The following TNFSF12 variants were observed in gnomAD, a reference collection of about 807,000 sequenced individuals.
TNFSF12 encodes TNF superfamily member 12.
A neutral mutation model predicts 31.2 loss-of-function variants in TNFSF12; 16 were observed. The ratio of observed to expected loss-of-function variants is 0.51; its 90% CI spans 0.35 to 0.78. The LOEUF is 0.78. TNFSF12 is among the 30% of genes least tolerant of loss of function. TNFSF12 has a pLI of 0.01. For missense variants in TNFSF12, 324 were observed against 338.8 expected (o/e 0.96, Z 0.34); for synonymous variants, 150 against 151.4 (o/e 0.99, Z 0.07).
At position 7,550,844 on chromosome 17, in the gene TNFSF12, A is replaced by T; in HGVS notation, c.329A>T (p.His110Leu). Residue 110 changes from histidine to leucine, a missense_variant, in exon 4 of 7, where the codon CAT becomes CTT. His to Leu is a moderately conservative substitution (Grantham distance 99). Coordinates refer to ENST00000293825, the MANE Select transcript of TNFSF12 (RefSeq NM_003809.3). The surrounding 1 kb of genome is among the most constrained non-coding windows in gnomAD (Gnocchi z 4.4). ...CGGGCTCGAAGAGCGATCGCAGCCC[A>T]TTATGAAGGTGGGTGATGGGTGAGC... ...KTRARRAIAA[H>L]YEVHPRPGQD... 1 of 1,612,838 alleles carries T rather than the reference A, an allele frequency of 6.2e-7. No homozygotes were observed. Among genetic ancestry groups the T allele is most frequent in the Non-Finnish European group, 8.5e-7 (1 of 1,178,950 alleles).
Position 7,549,575 on chromosome 17 carries a change from A to G in TNFSF12, c.207+54A>G. On this transcript the variant is annotated intron_variant, in intron 2 of 6. Coordinates refer to ENST00000293825, the MANE Select transcript of TNFSF12 (RefSeq NM_003809.3). The surrounding 1 kb of genome is among the most constrained non-coding windows in gnomAD (Gnocchi z 4.1). ...CTGCTGGGGCATGGGAAGTGTGCAC[A>G]GCCGAGGCTGCAGGTGTGTGCAGCT... The G allele has an allele frequency of 6.7e-7, 1 of 1,489,000 alleles. No homozygotes were observed. Among genetic ancestry groups the G allele is most frequent in the South Asian group, 1.3e-5 (1 of 77,436 alleles). The allele number at this position is 1,489,000 out of a possible 1,614,324, so 92.2% of individuals were successfully genotyped here. A position where few individuals can be genotyped will look rare whatever the true frequency, so the allele number is the denominator to read the frequency against.
rs942560892 is a variant in TNFSF12 at position 7,549,186 on chromosome 17, G to A, written c.33G>A (p.Gly11=). MAARRSQRRR[G]RRGEPGTALL... is the part of the protein sequence containing the mutation. ...CCCGTCGGAGCCAGAGGCGGAGGGG[G>A]CGCCGGGGGGAGCCGGGCACCGCCC... Residue 11 remains glycine, a synonymous_variant, in exon 1 of 7, where the codon GGG becomes GGA. Coordinates refer to ENST00000293825, the MANE Select transcript of TNFSF12 (RefSeq NM_003809.3). The surrounding 1 kb of genome is among the most constrained non-coding windows in gnomAD (Gnocchi z 4.1). The A allele has an allele frequency of 6.9e-6, 9 of 1,303,768 alleles. No individual in the cohort carries two copies. The highest frequency in any genetic ancestry group is 8.7e-6 in the Non-Finnish European group (9 of 1,029,926). The allele number at this position is 1,303,768 out of a possible 1,614,324, so 80.8% of individuals were successfully genotyped here.
intron 5 of TNFSF12, 23 bp downstream of exon 5, chr17:7,551,001 A>T: frequency 1.2e-6 from 2 of 1,613,176 alleles, no homozygotes; most frequent in Non-Finnish European, 1.7e-6. Flanking sequence ...CCCCCGACAC[A>T]GCACTGGCCT....
In TNFSF12 at chr17:7,549,073, T is replaced by C; in HGVS notation, c.-81T>C. ...TTGCCCCTCCCTCTCCCCGGCCCGA[T>C]CCGCCCGCCGGCTCCCCCTCCCCCG... On this transcript the variant is annotated 5_prime_UTR_variant, in exon 1 of 7. Coordinates refer to ENST00000293825, the MANE Select transcript of TNFSF12 (RefSeq NM_003809.3). This position sits in a 1 kb window ranked among gnomAD's most constrained non-coding sequence, Gnocchi z 4.1. The C allele has an allele frequency of 1.7e-6, 2 of 1,157,512 alleles. No homozygotes were observed. The highest frequency in any genetic ancestry group is 4.1e-5 in the South Asian group (1 of 24,414). 71.7% of individuals were successfully genotyped at this position (1,157,512 alleles called of 1,614,324 possible). A position where few individuals can be genotyped will look rare whatever the true frequency, so the allele number is the denominator to read the frequency against.
In TNFSF12 at chr17:7,549,674, T is replaced by C; in HGVS notation, c.207+153T>C. 1.6e-6 allele frequency: 2 copies of C among 1,235,360 alleles called. No individual in the cohort carries two copies. Among genetic ancestry groups the C allele is most frequent in the Non-Finnish European group, 2.2e-6 (2 of 926,086 alleles). The allele number at this position is 1,235,360 out of a possible 1,614,324, so 76.5% of individuals were successfully genotyped here. ...GTGCATGGGTGCGTGTCTGCAGGGG[T>C]GTGTGTGCGTGGTGACAACTCTGTG... On this transcript the variant is annotated intron_variant, in intron 2 of 6. Transcript: ENST00000293825. This position sits in a 1 kb window ranked among gnomAD's most constrained non-coding sequence, Gnocchi z 4.1.
In TNFSF12 at chr17:7,550,029, A is replaced by G. The variant is rs2070982385; in HGVS notation, c.208-91A>G. On this transcript the variant is annotated intron_variant, in intron 2 of 6. Transcript: ENST00000293825. The surrounding 1 kb of genome is among the most constrained non-coding windows in gnomAD (Gnocchi z 4.4). ...TAATCTGTCCCTGACTTCTGTGTCT[A>G]TTGCTGGCTGGTGGCTCTCCTGACA... 2 of 1,599,192 alleles carry G rather than the reference A, an allele frequency of 1.3e-6. No individual in the cohort carries two copies. Among genetic ancestry groups the G allele is most frequent in the Non-Finnish European group, 1.7e-6 (2 of 1,167,912 alleles).
rs1192008237 is a variant in TNFSF12 at position 7,557,440 on chromosome 17, C to T, written c.*90C>T. 8.8e-6 allele frequency: 13 copies of T among 1,485,426 alleles called. No individual in the cohort carries two copies. The East Asian group carries it at 1.2e-4, about 13-fold the overall frequency. 92.0% of individuals were successfully genotyped at this position (1,485,426 alleles called of 1,614,324 possible). A position where few individuals can be genotyped will look rare whatever the true frequency, so the allele number is the denominator to read the frequency against. Reference sequence around the variant, plus strand: ...CGGTCCCCTCTGCCCCACCCTCAGCCGCTCTTTGCTCCAGACCTGCCCCTC... The same window carrying T: ...CGGTCCCCTCTGCCCCACCCTCAGCTGCTCTTTGCTCCAGACCTGCCCCTC... On this transcript the variant is annotated 3_prime_UTR_variant, in exon 7 of 7. Transcript: ENST00000293825. This position sits in a 1 kb window ranked among gnomAD's most constrained non-coding sequence, Gnocchi z 5.2.
At position 7,553,512 on chromosome 17, in the gene TNFSF12, G is replaced by A. The variant is rs186925381; in HGVS notation, c.373+2534G>A. 805 of 604,362 alleles carry A rather than the reference G, an allele frequency of 1.3e-3. 3 individuals are homozygous for A. The highest frequency in any genetic ancestry group is 2.6e-3 in the Admixed American group (110 of 42,574). 37.4% of individuals were successfully genotyped at this position (604,362 alleles called of 1,614,324 possible). On this transcript the variant is annotated intron_variant, in intron 5 of 6. Transcript: ENST00000293825. ...TTTCTTGAGATAGGCACTGTGTCTG[G>A]CACTTGTGTTTGGTCTTATCTAATC...
At position 7,549,488 on chromosome 17, in the gene TNFSF12, G is replaced by T. The variant is rs749918168; in HGVS notation, c.174G>T (p.Glu58Asp). The change falls in exon 2 of 7, where the codon GAG (glutamate) becomes GAT (aspartate). Residue 58 changes from glutamate (E) to aspartate (D), a missense_variant. Physicochemically the swap from Glu to Asp is conservative, Grantham distance 45. Transcript: ENST00000293825. The surrounding 1 kb of genome is among the most constrained non-coding windows in gnomAD (Gnocchi z 4.1). ...CTTCCCAGCAGGAGCCTGCCCAGGA[G>T]GAGCTGGTGGCAGAGGAGGACCAGG... Reference protein sequence around the residue: ...ASLSAQEPAQEELVAEEDQDP... With the variant: ...ASLSAQEPAQDELVAEEDQDP... The T allele has an allele frequency of 4.5e-6, 7 of 1,545,834 alleles. No individual in the cohort carries two copies. The highest frequency in any genetic ancestry group is 6.1e-6 in the Non-Finnish European group (7 of 1,141,178).
intron 5 of TNFSF12, among the ~76,000 whole-genome samples, chr17:7,554,974 A>G (rs1398620217): frequency 2.6e-5 from 4 of 151,918 alleles, no homozygotes; most frequent in Non-Finnish European, 5.9e-5. Flanking sequence ...ATAAATTTGT[A>G]ATTACAGGAA....
At position 7,557,306 on chromosome 17, in the gene TNFSF12, G is replaced by C. The variant is rs376444597; in HGVS notation, c.706G>C (p.Ala236Pro). The C allele has an allele frequency of 2.5e-6, 4 of 1,612,384 alleles. No homozygotes were observed. The African/African-American group carries it at 5.3e-5, about 22-fold the overall frequency. The part of the protein sequence containing the change: ...IRTLPWAHLK[A>P]APFLTYFGLF... ...CACCCTCCCCTGGGCCCATCTCAAG[G>C]CTGCCCCCTTCCTCACCTACTTCGG... Residue 236 changes from alanine to proline, a missense_variant, in exon 7 of 7, where the codon GCT becomes CCT. Ala to Pro is a conservative substitution (Grantham distance 27, BLOSUM62 -1). Transcript: ENST00000293825. The surrounding 1 kb of genome is among the most constrained non-coding windows in gnomAD (Gnocchi z 5.2).
intron 5 of TNFSF12, among the ~76,000 whole-genome samples, chr17:7,552,962 A>T (rs186455630): frequency 6.8e-6 from 1 of 147,716 alleles, no homozygotes; most frequent in Non-Finnish European, 1.5e-5. Context: ...TTAGAACAGG[A>T]AGGCAGTGTG....
chr17:7,553,235 G>A (rs765630282), intron 5 of TNFSF12, among the ~76,000 whole-genome samples: 1 of 151,840 alleles, frequency 6.6e-6, no homozygotes, highest in Non-Finnish European at 1.5e-5. Context: ...TTTTAGTAGA[G>A]ACAGGGTTTC....
In TNFSF12 at chr17:7,549,294, G is replaced by T. The variant is rs1167726401; in HGVS notation, c.141G>T (p.Arg47=). ...TGGCCGTGGTCAGTTTGGGGAGCCGGGCATCGCTGTCCGCCCAGGTGAGGC... is the reference window on the plus strand; with the variant it reads ...TGGCCGTGGTCAGTTTGGGGAGCCGTGCATCGCTGTCCGCCCAGGTGAGGC... ...LLLAVVSLGS[R]ASLSAQEPAQ... is the part of the protein sequence containing the mutation. The change falls in exon 1 of 7, where the codon CGG becomes CGT. Residue 47 remains arginine (R), a synonymous_variant. Coordinates refer to ENST00000293825, the MANE Select transcript of TNFSF12 (RefSeq NM_003809.3). This position sits in a 1 kb window ranked among gnomAD's most constrained non-coding sequence, Gnocchi z 4.1. 2.2e-5 allele frequency: 31 copies of T among 1,395,958 alleles called. No individual in the cohort carries two copies. The highest frequency in any genetic ancestry group is 2.8e-5 in the Non-Finnish European group (30 of 1,076,224). 86.5% of individuals were successfully genotyped at this position (1,395,958 alleles called of 1,614,324 possible). A position where few individuals can be genotyped will look rare whatever the true frequency, so the allele number is the denominator to read the frequency against.
At chr17:7,555,891 G>A (rs1046832260) in intron 5 of TNFSF12, among the ~76,000 whole-genome samples, 2 of 151,670 alleles carry the variant, frequency 1.3e-5, no homozygotes, top group African/African-American at 4.8e-5. Context: ...GGGTAAGGAA[G>A]GGAAGGAAAC....
At chr17:7,555,975 TTTTTTTG>T (rs753538245) in intron 5 of TNFSF12, among the ~76,000 whole-genome samples, 3 of 67,310 alleles carry the variant, frequency 4.5e-5, no homozygotes, top group South Asian at 4.9e-4. Flanking sequence ...CAGTGAGCGT[TTTTTTTG>T]TTTTTTTTTT....
chr17:7,550,292 G>C lies in TNFSF12; in HGVS notation c.283+97G>C. 6.3e-7 allele frequency: 1 copy of C among 1,575,274 alleles called. No individual in the cohort carries two copies. The highest frequency in any genetic ancestry group is 1.1e-5 in the South Asian group (1 of 89,944). On this transcript the variant is annotated intron_variant, in intron 3 of 6. Coordinates refer to ENST00000293825, the MANE Select transcript of TNFSF12 (RefSeq NM_003809.3). The surrounding 1 kb of genome is among the most constrained non-coding windows in gnomAD (Gnocchi z 4.4). Reference sequence around the variant, plus strand: ...GCACGGAGGGTGAAAGGAGTTCAGAGTCATGCAGCTAACCAGCCAAGACTC... The same window carrying C: ...GCACGGAGGGTGAAAGGAGTTCAGACTCATGCAGCTAACCAGCCAAGACTC...
rs376560567 is a variant in TNFSF12, at chr17:7,557,223, G to A, written c.623G>A (p.Arg208His). ...GCGAGTTCCCTCGGGCCCCAGCTCC[G>A]CCTCTGCCAGGTGTCTGGGCTGTTG... ...TAASSLGPQLRLCQVSGLLAL... is the reference protein window; with the variant it reads ...TAASSLGPQLHLCQVSGLLAL... The change falls in exon 7 of 7, where the codon CGC (arginine) becomes CAC (histidine). Residue 208 changes from arginine to histidine, a missense_variant. Arg to His is a conservative substitution (Grantham distance 29). Coordinates refer to ENST00000293825, the MANE Select transcript of TNFSF12 (RefSeq NM_003809.3). The surrounding 1 kb of genome is among the most constrained non-coding windows in gnomAD (Gnocchi z 5.2). 331 of 1,612,110 alleles carry A rather than the reference G, an allele frequency of 2.1e-4. No homozygotes were observed. The highest frequency in any genetic ancestry group is 2.7e-4 in the Non-Finnish European group (313 of 1,178,744).
rs369851985 is a variant in TNFSF12, at chr17:7,550,832, C to T, written c.317C>T (p.Ala106Val). The T allele has an allele frequency of 8.1e-6, 13 of 1,612,170 alleles. No homozygotes were observed. The Admixed American group carries it at 1.2e-4, about 14-fold the overall frequency. Reference protein sequence around the residue: ...PKGRKTRARRAIAAHYEVHPR... With the variant: ...PKGRKTRARRVIAAHYEVHPR... ...GGCCGGAAAACACGGGCTCGAAGAG[C>T]GATCGCAGCCCATTATGAAGGTGGG... Residue 106 changes from alanine to valine, a missense_variant, in exon 4 of 7, where the codon GCG (alanine) becomes GTG (valine). Ala to Val is a moderately conservative substitution (Grantham distance 64). Transcript: ENST00000293825. This position sits in a 1 kb window ranked among gnomAD's most constrained non-coding sequence, Gnocchi z 4.4.
Sources: gnomAD v4.1 joint callset for allele counts (sites outside exome capture counted in the v4.1 genomes callset) on GRCh38, gnomAD v4.1.1 for gene constraint, Gnocchi (gnomAD v3.1) non-coding constraint, MANE v1.5 for transcripts, NCBI Gene and HGNC (gene_info 2026-07-23, HGNC 2026-07-21) for gene names.